Variants in PLCB4 observed in about 807,000 individuals in gnomAD.
PLCB4 encodes phospholipase C beta 4.
PLCB4 carries 77 observed loss-of-function variants against 178.8 expected under a neutral mutation model. The ratio of observed to expected loss-of-function variants is 0.43; its 90% CI spans 0.36 to 0.52. PLCB4 has a LOEUF of 0.52. Among genes scored for constraint, PLCB4 ranks in the 20% least tolerant of loss-of-function variants. PLCB4 has a pLI of 0.00. For synonymous variants in PLCB4, 496 were observed against 490.8 expected (o/e 1.01, Z -0.14); for missense variants, 1,024 against 1,453.4 (o/e 0.70, Z 4.80).
At chr20:9,216,547 T>C (rs916689249) in intron 2 of PLCB4, among the ~76,000 whole-genome samples, 1 of 152,020 alleles carries the variant, frequency 6.6e-6, no homozygotes, top group South Asian at 2.1e-4. Flanking sequence ...TTGCCCAGGC[T>C]GGAGTGCAGT....
Position 9,238,399 on chromosome 20 carries a change from G to A in PLCB4, c.-16+20947G>A, listed in dbSNP as rs1179036558. Among the ~76,000 whole-genome samples, 3 of 152,118 alleles carry A rather than the reference G, an allele frequency of 2.0e-5. No individual in the cohort carries two copies. The South Asian group carries it at 6.2e-4, about 32-fold the overall frequency. On this transcript the variant is annotated intron_variant, in intron 3 of 39. Transcript: ENST00000378473. Reference sequence around the variant, plus strand: ...AGGTGTGCACTGTGGAGGAGGAAGTGGAGTTGACCCCCCCCCGAGGGACAC... The same window carrying A: ...AGGTGTGCACTGTGGAGGAGGAAGTAGAGTTGACCCCCCCCCGAGGGACAC...
At chr20:9,214,919 T>G (rs563723297) in intron 2 of PLCB4, among the ~76,000 whole-genome samples, 4 of 152,180 alleles carry the variant, frequency 2.6e-5, no homozygotes, top group African/African-American at 9.7e-5. Context: ...TTATGTTAGA[T>G]AGTTGCTAGG....
At chr20:9,089,137 A>G (rs2090566167) in intron 1 of PLCB4, among the ~76,000 whole-genome samples, 1 of 152,022 alleles carries the variant, frequency 6.6e-6, no homozygotes, top group Admixed American at 6.6e-5. Context: ...GCTTATTTCA[A>G]AGTACAAAAT....
intron 1 of PLCB4, among the ~76,000 whole-genome samples, chr20:9,077,974 AT>A (rs1187904369): frequency 2.0e-5 from 3 of 152,046 alleles, no homozygotes; most frequent in Non-Finnish European, 4.4e-5. Flanking sequence ...CTTGACTCTT[AT>A]TTTTTTATAT....
At chr20:9,407,372 CTT>C (rs1193918345) in intron 21 of PLCB4, among the ~76,000 whole-genome samples, 26 of 141,636 alleles carry the variant, frequency 1.8e-4, no homozygotes, top group Admixed American at 2.1e-4. Context: ...ATAGTAATTT[CTT>C]TTTTTTTTTT....
intron 3 of PLCB4, among the ~76,000 whole-genome samples, chr20:9,279,763 C>T (rs1467640675): frequency 1.3e-5 from 2 of 152,008 alleles, no homozygotes; most frequent in Non-Finnish European, 2.9e-5. Flanking sequence ...CACTGGCTAA[C>T]GTTTGAGTAT....
At chr20:9,195,104 C>A (rs1405592508) in intron 2 of PLCB4, among the ~76,000 whole-genome samples, 2 of 152,210 alleles carry the variant, frequency 1.3e-5, no homozygotes, top group African/African-American at 4.8e-5. Context: ...CCTAATAATT[C>A]ATTGCTTAAC....
At chr20:9,351,383 A>G (rs984421440) in intron 7 of PLCB4, among the ~76,000 whole-genome samples, 4 of 152,158 alleles carry the variant, frequency 2.6e-5, no homozygotes, top group East Asian at 1.9e-4. Context: ...ATGAGACACC[A>G]TTAACATCTT....
intron 19 of PLCB4, among the ~76,000 whole-genome samples, chr20:9,399,418 A>G (rs1169377484): frequency 1.3e-5 from 2 of 152,210 alleles, no homozygotes; most frequent in Admixed American, 6.5e-5. Flanking sequence ...TGAATCTACT[A>G]TCTATGTGTG....
intron 3 of PLCB4, among the ~76,000 whole-genome samples, chr20:9,243,977 G>T (rs543376071): frequency 6.6e-6 from 1 of 152,290 alleles, no homozygotes; most frequent in African/African-American, 2.4e-5. Context: ...GAGTCTCTTT[G>T]TATATCCTGG....
intron 2 of PLCB4, among the ~76,000 whole-genome samples, chr20:9,139,985 C>A (rs1156348416): frequency 6.6e-6 from 1 of 152,076 alleles, no homozygotes; most frequent in Non-Finnish European, 1.5e-5. Context: ...CTGGCCGTTC[C>A]TCTGAGGCTT....
intron 30 of PLCB4, 87 bp downstream of exon 30, chr20:9,437,239 A>C (rs1392478529): frequency 2.4e-6 from 3 of 1,232,396 alleles, no homozygotes; most frequent in African/African-American, 1.5e-5. Context: ...AAATATATAA[A>C]TTCGAAGTTC....
intron 2 of PLCB4, among the ~76,000 whole-genome samples, chr20:9,154,072 T>G (rs981643122): frequency 1.3e-5 from 2 of 152,206 alleles, no homozygotes; most frequent in Non-Finnish European, 2.9e-5. Context: ...GTCCACTATC[T>G]TGATCTTTCC....
intron 27 of PLCB4, among the ~76,000 whole-genome samples, chr20:9,422,184 A>G (rs907515261): frequency 6.6e-6 from 1 of 152,226 alleles, no homozygotes; most frequent in African/African-American, 2.4e-5. Context: ...TTCTTTAGGC[A>G]CAAGTTTTCC....
intron 4 of PLCB4, among the ~76,000 whole-genome samples, chr20:9,321,738 A>G (rs2094960492): frequency 6.6e-6 from 1 of 151,994 alleles, no homozygotes; most frequent in Admixed American, 6.6e-5. Context: ...AGTTCAAGCG[A>G]TTCTTCTGCC....
chr20:9,217,215 T>C (rs2088482660), intron 2 of PLCB4, among the ~76,000 whole-genome samples, 175 bp from the exon 3 acceptor site: 1 of 152,236 alleles, frequency 6.6e-6, no homozygotes, highest in Non-Finnish European at 1.5e-5. Flanking sequence ...AATTCTGATA[T>C]GATGACTGTG....
rs950265228 is a variant in PLCB4 at position 9,443,989 on chromosome 20, C to T, written c.2773C>T (p.Leu925Phe). ...SGVEAKKGIE[L>F]IPQVRIEDLK... ...TTTTTTTGTTTGTTTAGGTATTGAA[C>T]TTATCCCTCAAGTAAGGATAGAAGA... The change falls in exon 31 of 40, where the codon CTT (leucine) becomes TTT (phenylalanine). Residue 925 changes from leucine (L) to phenylalanine (F), a missense_variant. This residue lies in a region of PLCB4 where 227 missense variants were observed against 374.3 expected (regional missense o/e 0.61). Transcript: ENST00000378473. The T allele has an allele frequency of 1.9e-6, 3 of 1,585,682 alleles. No individual in the cohort carries two copies. The African/African-American group carries it at 4.1e-5, about 21-fold the overall frequency.
At chr20:9,404,970 A>G (rs950335997) in intron 20 of PLCB4, among the ~76,000 whole-genome samples, 3 of 152,230 alleles carry the variant, frequency 2.0e-5, no homozygotes, top group African/African-American at 4.8e-5. Context: ...CAAACAGTCC[A>G]TAACAAATAC....
At chr20:9,312,394 A>ACACACACACG (rs796646743) in intron 4 of PLCB4, among the ~76,000 whole-genome samples, 1 of 143,920 alleles carries the variant, frequency 6.9e-6, no homozygotes, top group African/African-American at 2.7e-5. Flanking sequence ...ACACACACAC[A>ACACACACACG]CACGCACGCA....
Sources: gnomAD v4.1 joint callset for allele counts (sites outside exome capture counted in the v4.1 genomes callset) on GRCh38, gnomAD v4.1.1 for gene constraint, gnomAD v4.1.1 regional missense constraint, MANE v1.5 for transcripts, NCBI Gene and HGNC (gene_info 2026-07-23, HGNC 2026-07-21) for gene names.